The following CACNA2D1 variants were observed in gnomAD, a reference collection of about 807,000 sequenced individuals.
CACNA2D1 encodes the protein calcium voltage-gated channel auxiliary subunit alpha2delta 1.
In CACNA2D1, 53 loss-of-function variants were observed where a neutral mutation model predicts 171.5. That is an observed-to-expected ratio of 0.31 (90% CI 0.25 to 0.39). CACNA2D1 has a LOEUF of 0.39. Ranked by LOEUF, CACNA2D1 falls within the 10% of genes least tolerant of loss-of-function variation. CACNA2D1 has a pLI of 1.00. For synonymous variants in CACNA2D1, 442 were observed against 443.1 expected (o/e 1.00, Z 0.03); for missense variants, 903 against 1,299.8 (o/e 0.69, Z 4.69).
chr7:82,357,264 G>GA (rs933550127), intron 1 of CACNA2D1, among the ~76,000 whole-genome samples: 1 of 151,716 alleles, frequency 6.6e-6, no homozygotes, highest in African/African-American at 2.4e-5. Context: ...TTTTCAAAAC[G>GA]AAAAAAATAT....
At chr7:82,298,270 G>A (rs1355895591) in intron 3 of CACNA2D1, among the ~76,000 whole-genome samples, 1 of 152,108 alleles carries the variant, frequency 6.6e-6, no homozygotes, top group Admixed American at 6.6e-5. Flanking sequence ...ATTTCTGAGT[G>A]TACTAGTATA....
chr7:82,053,039 T>C (rs1290408732), intron 10 of CACNA2D1, among the ~76,000 whole-genome samples: 1 of 151,744 alleles, frequency 6.6e-6, no homozygotes, highest in African/African-American at 2.4e-5. Context: ...GATCACAAGG[T>C]CAAGAGATTG....
chr7:82,200,735 A>G (rs1799332788), intron 3 of CACNA2D1, among the ~76,000 whole-genome samples: 1 of 152,202 alleles, frequency 6.6e-6, no homozygotes, highest in Non-Finnish European at 1.5e-5. Context: ...TCAGGCCTAA[A>G]AAAGATTCTA....
At chr7:82,392,342 T>C (rs1825215148) in intron 1 of CACNA2D1, among the ~76,000 whole-genome samples, 1 of 152,194 alleles carries the variant, frequency 6.6e-6, no homozygotes. Context: ...GGGGCCACCC[T>C]CATGTCCCCT....
intron 36 of CACNA2D1, 140 bp from the exon 37 acceptor site, chr7:81,959,969 T>C (rs1793912214): frequency 3.0e-6 from 4 of 1,332,810 alleles, no homozygotes; most frequent in African/African-American, 1.5e-5. Flanking sequence ...AATAGGAGTA[T>C]GATTTTAGAA....
In CACNA2D1 at chr7:81,984,667, G is replaced by A. The variant is rs748757221; in HGVS notation, c.1841C>T (p.Ala614Val). ...LPTYSFYYIKAKLEETITQAR... is the reference protein window; with the variant it reads ...LPTYSFYYIKVKLEETITQAR... ...CTGAGTTATTGTCTCTTCTAGTTTG[G>A]CTTTTATATAGTAAAAACTGTAGGT... Residue 614 changes from alanine to valine, a missense_variant, in exon 22 of 39, where the codon GCC becomes GTC. This residue lies in a region of CACNA2D1 where 623 missense variants were observed against 925.5 expected (regional missense o/e 0.67). Coordinates refer to ENST00000356860, the MANE Select transcript of CACNA2D1 (RefSeq NM_000722.4). 2 of 1,572,742 alleles carry A rather than the reference G, an allele frequency of 1.3e-6. No homozygotes were observed. The highest frequency in any genetic ancestry group is 1.3e-5 in the African/African-American group (1 of 74,478).
intron 3 of CACNA2D1, among the ~76,000 whole-genome samples, chr7:82,293,849 T>C (rs1235933703): frequency 6.6e-6 from 1 of 152,180 alleles, no homozygotes; most frequent in Admixed American, 6.5e-5. Context: ...GTTTCTAAAA[T>C]CTTCCAGAGA....
intron 6 of CACNA2D1, among the ~76,000 whole-genome samples, chr7:82,099,932 T>C (rs1812468274): frequency 6.6e-6 from 1 of 152,122 alleles, no homozygotes; most frequent in Admixed American, 6.6e-5. Flanking sequence ...CTGAGGCCTG[T>C]CAGGGGGTAG....
intron 4 of CACNA2D1, among the ~76,000 whole-genome samples, chr7:82,165,623 A>C (rs1563144693): frequency 6.6e-6 from 1 of 152,062 alleles, no homozygotes; most frequent in Non-Finnish European, 1.5e-5. Flanking sequence ...TAAGGCACAC[A>C]AATACGCCTG....
intron 3 of CACNA2D1, among the ~76,000 whole-genome samples, chr7:82,244,986 TG>T (rs1804734351): frequency 1.3e-5 from 2 of 152,294 alleles, no homozygotes; most frequent in Non-Finnish European, 2.9e-5. Flanking sequence ...TGCAGACAAT[TG>T]CAATGTGCTT....
At chr7:81,954,825 T>C (rs1362790536) in intron 38 of CACNA2D1, among the ~76,000 whole-genome samples, 5 of 152,066 alleles carry the variant, frequency 3.3e-5, no homozygotes, top group Admixed American at 3.3e-4. Flanking sequence ...TTGAAGACAA[T>C]CTATATTTAA....
chr7:82,052,869 G>A (rs966765872), intron 10 of CACNA2D1, among the ~76,000 whole-genome samples: 6 of 151,924 alleles, frequency 3.9e-5, no homozygotes, highest in Non-Finnish European at 5.9e-5. Flanking sequence ...TTTCTTATCC[G>A]CAATATTAAG....
intron 1 of CACNA2D1, among the ~76,000 whole-genome samples, chr7:82,397,205 T>C (rs928162127): frequency 6.6e-6 from 1 of 152,188 alleles, no homozygotes; most frequent in Non-Finnish European, 1.5e-5. Context: ...TTGGTCTTTC[T>C]CCAACTAACA....
At chr7:82,121,897 T>C (rs1307109163) in intron 5 of CACNA2D1, among the ~76,000 whole-genome samples, 2 of 152,122 alleles carry the variant, frequency 1.3e-5, no homozygotes, top group Non-Finnish European at 2.9e-5. Flanking sequence ...AACTGTAGCA[T>C]TGATTCTTCA....
At chr7:82,069,420 T>C (rs549478626) in intron 7 of CACNA2D1, among the ~76,000 whole-genome samples, 1 of 152,310 alleles carries the variant, frequency 6.6e-6, no homozygotes, top group Non-Finnish European at 1.5e-5. Flanking sequence ...TGTAGACGTC[T>C]CTTTTTTGAA....
rs145354079 is a variant in CACNA2D1 at position 81,991,537 on chromosome 7, G to A, written c.1735-291C>T. Among the ~76,000 whole-genome samples the A allele has an allele frequency of 7.9e-4, 121 of 152,274 alleles. 1 individual carries two copies. In the Middle Eastern group the frequency reaches 0.01, roughly 13 times the overall value. On this transcript the variant is annotated intron_variant, in intron 20 of 38. Transcript: ENST00000356860. Reference sequence around the variant, plus strand: ...AATTTTAATAATGAAACAGGACTATGAAGTATTTAGACAAGGCTCGGATAT... The same window carrying A: ...AATTTTAATAATGAAACAGGACTATAAAGTATTTAGACAAGGCTCGGATAT...
chr7:82,134,094 C>G (rs372379275), intron 5 of CACNA2D1, among the ~76,000 whole-genome samples: 2 of 151,484 alleles, frequency 1.3e-5, no homozygotes, highest in South Asian at 4.2e-4. Flanking sequence ...AAGAATTATG[C>G]AAATAAGTAA....
chr7:82,106,549 T>C (rs1468987397), intron 6 of CACNA2D1, among the ~76,000 whole-genome samples: 1 of 152,124 alleles, frequency 6.6e-6, no homozygotes, highest in African/African-American at 2.4e-5. Flanking sequence ...AGTAAATTTT[T>C]ATTTGTATTC....
chr7:82,128,597 T>C (rs972489940), intron 5 of CACNA2D1, among the ~76,000 whole-genome samples: 5 of 152,210 alleles, frequency 3.3e-5, no homozygotes, highest in African/African-American at 1.2e-4. Context: ...ATCATTATAA[T>C]GAACAAAATC....
Sources: allele counts gnomAD v4.1 joint callset (sites outside exome capture counted in the v4.1 genomes callset), GRCh38; gene constraint gnomAD v4.1.1; regional missense constraint gnomAD v4.1.1; transcripts MANE v1.5; gene names NCBI Gene and HGNC (gene_info 2026-07-23, HGNC 2026-07-21).